FRK: variants seen among roughly 807,000 people sequenced by gnomAD.
FRK encodes fyn related Src family tyrosine kinase.
In FRK, 51 loss-of-function variants were observed where a neutral mutation model predicts 56.4. The ratio of observed to expected loss-of-function variants is 0.90; its 90% CI spans 0.72 to 1.14. The LOEUF (loss-of-function observed/expected upper bound fraction) is 1.14, where lower values mean the gene tolerates loss of function less well. Ranked by LOEUF, FRK falls within the 50% of genes most tolerant of loss-of-function variation. FRK has a pLI of 0.00. For synonymous variants in FRK, 245 were observed against 217.9 expected, an observed-to-expected ratio of 1.12 and a Z score of -1.10; for missense variants, 570 against 601.4, an observed-to-expected ratio of 0.95 and a Z score of 0.55.
rs139698142 is a variant in FRK, at chr6:116,051,079, G to A, written c.344+8889C>T. Among the ~76,000 whole-genome samples the A allele has an allele frequency of 2.5e-3, 387 of 152,160 alleles. 11 individuals carry two copies. In the East Asian group the frequency reaches 0.039, roughly 15 times the overall value. On this transcript the variant is annotated intron_variant, in intron 1 of 7. Transcript: ENST00000606080. ...GGCCTTTCAGAGGAACCTTAAAGTG[G>A]GATCTTCTGAATCTTCCAAATCATG...
chr6:116,053,436 C>T (rs1157818723), intron 1 of FRK, among the ~76,000 whole-genome samples: 1 of 152,126 alleles, frequency 6.6e-6, no homozygotes, highest in East Asian at 1.9e-4. Flanking sequence ...TTTAGTCCTG[C>T]TTTACTGTAT....
Position 115,931,744 on chromosome 6 carries a change from T to C in FRK, c.*10670A>G, listed in dbSNP as rs1443394669. On this transcript the variant is annotated 3_prime_UTR_variant, in exon 8 of 8. Coordinates refer to ENST00000606080, the MANE Select transcript of FRK (RefSeq NM_002031.3). Reference sequence around the variant, plus strand: ...AAGCAGTTTTCTTTTTCACAAATAGTATAATTGAAGCCTCTATTCTAAAAT... The same window carrying C: ...AAGCAGTTTTCTTTTTCACAAATAGCATAATTGAAGCCTCTATTCTAAAAT... 1 of 152,228 alleles carries C rather than the reference T, an allele frequency of 6.6e-6. No individual in the cohort carries two copies. The highest frequency in any genetic ancestry group is 1.5e-5 in the Non-Finnish European group (1 of 68,020). 9.4% of individuals were successfully genotyped at this position (152,228 alleles called of 1,614,324 possible). A position where few individuals can be genotyped will look rare whatever the true frequency, so the allele number is the denominator to read the frequency against.
chr6:115,932,155 T>C lies in FRK; in HGVS notation c.*10259A>G, dbSNP rs1198534057. The C allele has an allele frequency of 1.4e-5, 2 of 138,622 alleles. No individual in the cohort carries two copies. The highest frequency in any genetic ancestry group is 5.5e-5 in the African/African-American group (2 of 36,542). 8.6% of individuals were successfully genotyped at this position (138,622 alleles called of 1,614,324 possible). On this transcript the variant is annotated 3_prime_UTR_variant, in exon 8 of 8. Coordinates refer to ENST00000606080, the MANE Select transcript of FRK (RefSeq NM_002031.3). ...TTGAAGCTAAACTTGTTAAGGCTTTTGAAATTCAGGGTTTATATACTACTT... is the reference window on the plus strand; with the variant it reads ...TTGAAGCTAAACTTGTTAAGGCTTTCGAAATTCAGGGTTTATATACTACTT...
intron 6 of FRK, among the ~76,000 whole-genome samples, chr6:115,943,426 A>T (rs1327020400): frequency 2.0e-5 from 3 of 151,750 alleles, no homozygotes; most frequent in African/African-American, 7.3e-5. Flanking sequence ...GCACTGAAAG[A>T]AACATTCTAC....
Position 115,942,073 on chromosome 6 carries a change from T to C in FRK, c.*341A>G, listed in dbSNP as rs1474626444. 12 of 238,768 alleles carry C rather than the reference T, an allele frequency of 5.0e-5. No homozygotes were observed. Among genetic ancestry groups the C allele is most frequent in the African/African-American group, 9.3e-5 (4 of 43,046 alleles). 14.8% of individuals were successfully genotyped at this position (238,768 alleles called of 1,614,324 possible). Reference sequence around the variant, plus strand: ...AGTAAACAGGAAAATGCTACAACAGTCACTGAGTAAAAATTGGACTATCAT... The same window carrying C: ...AGTAAACAGGAAAATGCTACAACAGCCACTGAGTAAAAATTGGACTATCAT... On this transcript the variant is annotated 3_prime_UTR_variant, in exon 8 of 8. Transcript: ENST00000606080.
chr6:116,047,444 C>G (rs1269470008), intron 1 of FRK, among the ~76,000 whole-genome samples: 1 of 145,880 alleles, frequency 6.9e-6, no homozygotes, highest in Non-Finnish European at 1.5e-5. Flanking sequence ...GTTGCCCAGG[C>G]TGGAGTGCAG....
chr6:116,048,007 A>G (rs79774569), intron 1 of FRK, among the ~76,000 whole-genome samples: 1 of 152,180 alleles, frequency 6.6e-6, no homozygotes, highest in East Asian at 1.9e-4. Flanking sequence ...ATTCACCTAA[A>G]CTACAGCTAT....
At chr6:116,090,380 G>C in the FRK span, among the ~76,000 whole-genome samples, 3 of 152,234 alleles carry the variant, frequency 2.0e-5, no homozygotes, top group African/African-American at 7.2e-5. Context: ...CAGGGTCTGA[G>C]GTGGTGACCT....
At chr6:116,100,557 C>A in the FRK span, among the ~76,000 whole-genome samples, 1 of 152,028 alleles carries the variant, frequency 6.6e-6, no homozygotes, top group African/African-American at 2.4e-5. Flanking sequence ...TTTGTGGTAG[C>A]CCTCGGGAAA....
intron 1 of FRK, among the ~76,000 whole-genome samples, chr6:116,024,764 CCTT>C (rs1403663808): frequency 6.6e-6 from 1 of 152,056 alleles, no homozygotes; most frequent in African/African-American, 2.4e-5. Context: ...GATTTATAGT[CCTT>C]TGGGTATATA....
chr6:116,039,248 C>T (rs1378469415), intron 1 of FRK: 16 of 1,492,420 alleles, frequency 1.1e-5, no homozygotes, highest in Non-Finnish European at 1.5e-5. Context: ...GCCTGCGAGC[C>T]TGTGTGGGCC....
chr6:116,055,727 A>G (rs901318603), intron 1 of FRK, among the ~76,000 whole-genome samples: 3 of 152,240 alleles, frequency 2.0e-5, no homozygotes, highest in African/African-American at 7.2e-5. Context: ...TTCACTTAGC[A>G]CCATACCAGG....
chr6:116,014,066 T>A (rs1331013618), intron 1 of FRK, among the ~76,000 whole-genome samples: 5 of 152,240 alleles, frequency 3.3e-5, no homozygotes, highest in Non-Finnish European at 7.3e-5. Context: ...CACTCAGTGA[T>A]GCACTATGAT....
intron 1 of FRK, among the ~76,000 whole-genome samples, chr6:116,044,306 C>T (rs1238532295): frequency 1.3e-5 from 2 of 152,204 alleles, no homozygotes; most frequent in Admixed American, 6.5e-5. Context: ...AGGCCAATAT[C>T]CCTGATTAAC....
At chr6:115,971,656 T>G (rs1262750178) in intron 2 of FRK, among the ~76,000 whole-genome samples, 1 of 152,172 alleles carries the variant, frequency 6.6e-6, no homozygotes, top group Admixed American at 6.5e-5. Context: ...TTAGACAGTC[T>G]TACTTCCACT....
At chr6:115,985,889 T>A (rs1398224350) in intron 2 of FRK, among the ~76,000 whole-genome samples, 2 of 113,680 alleles carry the variant, frequency 1.8e-5, no homozygotes, top group Non-Finnish European at 2.0e-5. Flanking sequence ...CAATACTTTC[T>A]CCCAACAAGC....
the FRK span, among the ~76,000 whole-genome samples, chr6:116,078,729 G>A: frequency 2.0e-5 from 3 of 152,160 alleles, no homozygotes; most frequent in South Asian, 2.1e-4. Context: ...CTGCAGGACC[G>A]TCTGGATCAT....
intron 5 of FRK, among the ~76,000 whole-genome samples, chr6:115,949,701 C>CA (rs1368516333): frequency 4.6e-5 from 7 of 151,934 alleles, no homozygotes; most frequent in African/African-American, 1.7e-4. Context: ...CATATGGAAC[C>CA]AAAAAAGAGC....
intron 1 of FRK, among the ~76,000 whole-genome samples, chr6:116,055,801 C>A (rs1337822228): frequency 6.6e-6 from 1 of 152,118 alleles, no homozygotes. Flanking sequence ...AAGAATATGA[C>A]CTAGAAAAAT....
Sources: allele counts gnomAD v4.1 joint callset (sites outside exome capture counted in the v4.1 genomes callset), GRCh38; gene constraint gnomAD v4.1.1; transcripts MANE v1.5; gene names NCBI Gene and HGNC (gene_info 2026-07-23, HGNC 2026-07-21).